TECRL: variants seen among roughly 807,000 people sequenced by gnomAD.
TECRL encodes the protein trans-2,3-enoyl-CoA reductase like, also known as trans-2,3-enoyl-CoA reductase-like.
In TECRL, 63 loss-of-function variants were observed where a neutral mutation model predicts 52.8. The observed-to-expected ratio is 1.19, with a 90% CI of 0.97 to 1.47. TECRL has a LOEUF of 1.47. Among genes scored for constraint, TECRL ranks in the 40% most tolerant of loss-of-function variants. The probability of loss-of-function intolerance (pLI) is 0.00; values close to 1 mark genes in which losing one functional copy is unlikely to be tolerated. For missense variants in TECRL, 482 were observed against 429.6 expected, an observed-to-expected ratio of 1.12 and a Z score of -1.08; for synonymous variants, 164 against 141.9, an observed-to-expected ratio of 1.16 and a Z score of -1.10.
intron 5 of TECRL, among the ~76,000 whole-genome samples, chr4:64,312,758 C>A (rs78081975): frequency 2.8e-5 from 2 of 71,748 alleles, no homozygotes; most frequent in East Asian, 4.7e-4. Flanking sequence ...CAGAGCAAGA[C>A]CCTCTCTCAA....
chr4:64,289,273 T>A (rs1560472815), intron 9 of TECRL, among the ~76,000 whole-genome samples: 1 of 152,184 alleles, frequency 6.6e-6, no homozygotes, highest in Non-Finnish European at 1.5e-5. Context: ...TTCAGTGCCA[T>A]TGTATTTTTC....
At chr4:64,347,797 A>G (rs951067563) in intron 2 of TECRL, among the ~76,000 whole-genome samples, 1 of 152,136 alleles carries the variant, frequency 6.6e-6, no homozygotes, top group Non-Finnish European at 1.5e-5. Context: ...TATAATTGAG[A>G]TGAGGTTTGG....
intron 2 of TECRL, among the ~76,000 whole-genome samples, chr4:64,362,650 A>G (rs960444764): frequency 6.6e-6 from 1 of 152,114 alleles, no homozygotes; most frequent in Non-Finnish European, 1.5e-5. Context: ...AGTAAATGCT[A>G]TGAGAATTTC....
chr4:64,277,279 G>T (rs994495912), downstream of TECRL, among the ~76,000 whole-genome samples: 5 of 151,756 alleles, frequency 3.3e-5, no homozygotes, highest in African/African-American at 1.2e-4. Flanking sequence ...AACTTCCTAG[G>T]TTACTATTTG....
At chr4:64,398,659 T>C (rs903213627) in intron 1 of TECRL, among the ~76,000 whole-genome samples, 3 of 151,316 alleles carry the variant, frequency 2.0e-5, no homozygotes, top group African/African-American at 7.4e-5. Flanking sequence ...GTCTCAGGTA[T>C]TTTTTATAGC....
In TECRL at chr4:64,280,345, C is replaced by A. The variant is rs546421735; in HGVS notation, c.965-146G>T. On this transcript the variant is annotated intron_variant, in intron 11 of 11. Coordinates refer to ENST00000381210, the MANE Select transcript of TECRL (RefSeq NM_001010874.5). ...TCAATTTTCATTATTCATACCCATT[C>A]CCAAGCAATAGCCAATCAATATCGC... The A allele has an allele frequency of 3.1e-4, 184 of 594,648 alleles. 3 individuals carry two copies. The East Asian group carries it at 6.8e-3, about 22-fold the overall frequency. The allele number at this position is 594,648 out of a possible 1,614,324, so 36.8% of individuals were successfully genotyped here.
intron 6 of TECRL, among the ~76,000 whole-genome samples, chr4:64,306,368 C>A (rs1724337483): frequency 6.6e-6 from 1 of 152,132 alleles, no homozygotes; most frequent in Admixed American, 6.6e-5. Context: ...AGGTATCTGG[C>A]TGAGGCTAGA....
chr4:64,353,199 A>C (rs1034407396), intron 2 of TECRL, among the ~76,000 whole-genome samples: 3 of 152,202 alleles, frequency 2.0e-5, no homozygotes, highest in Non-Finnish European at 2.9e-5. Flanking sequence ...CAGAATAAGA[A>C]GTTCTCAGAG....
intron 2 of TECRL, among the ~76,000 whole-genome samples, chr4:64,342,853 C>A (rs1358667117): frequency 1.3e-5 from 2 of 152,022 alleles, no homozygotes; most frequent in Non-Finnish European, 2.9e-5. Context: ...TAGGTGGAAG[C>A]ATTTCTGCTA....
At chr4:64,289,580 G>C in intron 9 of TECRL, 130 bp downstream of exon 9, 2 of 703,656 alleles carry the variant, frequency 2.8e-6, no homozygotes, top group Non-Finnish European at 4.5e-6. Flanking sequence ...AGACATAAAA[G>C]GGAAAAAATG....
At chr4:64,332,555 A>T (rs1308352933) in intron 2 of TECRL, among the ~76,000 whole-genome samples, 1 of 152,194 alleles carries the variant, frequency 6.6e-6, no homozygotes, top group Non-Finnish European at 1.5e-5. Flanking sequence ...GGGGGAAATT[A>T]AAAAGGTATT....
At chr4:64,376,812 A>C (rs1288119365) in intron 1 of TECRL, among the ~76,000 whole-genome samples, 1 of 152,010 alleles carries the variant, frequency 6.6e-6, no homozygotes, top group Non-Finnish European at 1.5e-5. Flanking sequence ...TGTTTAATCT[A>C]TATGGAGCTG....
chr4:64,345,248 A>G (rs1345023313), intron 2 of TECRL, among the ~76,000 whole-genome samples: 5 of 152,172 alleles, frequency 3.3e-5, no homozygotes, highest in Non-Finnish European at 7.3e-5. Context: ...AGACACATGC[A>G]CACGTGTGTT....
chr4:64,310,699 A>G (rs1255552174), intron 5 of TECRL, among the ~76,000 whole-genome samples: 1 of 152,186 alleles, frequency 6.6e-6, no homozygotes, highest in African/African-American at 2.4e-5. Flanking sequence ...AAAAAATTCA[A>G]TACGGATCAA....
chr4:64,294,561 C>A (rs1723575157), intron 8 of TECRL, among the ~76,000 whole-genome samples: 1 of 151,934 alleles, frequency 6.6e-6, no homozygotes, highest in African/African-American at 2.4e-5. Context: ...GGTTTGCTTA[C>A]AAAGGTGTTT....
rs112403283 is a variant in TECRL at position 64,327,418 on chromosome 4, C to A, written c.331+1094G>T. Reference sequence around the variant, plus strand: ...ACATTTGACAATGTTGTCTGTGACACTCTTTGAGGCTTCTTTGTGTAAGAG... The same window carrying A: ...ACATTTGACAATGTTGTCTGTGACAATCTTTGAGGCTTCTTTGTGTAAGAG... On this transcript the variant is annotated intron_variant, in intron 3 of 11. Coordinates refer to ENST00000381210, the MANE Select transcript of TECRL (RefSeq NM_001010874.5). Among the ~76,000 whole-genome samples, 1,346 of 152,180 alleles carry A rather than the reference C, an allele frequency of 8.8e-3. 18 individuals carry two copies. The highest frequency in any genetic ancestry group is 0.031 in the African/African-American group (1,280 of 41,522).
chr4:64,365,222 C>A (rs1461100779), intron 2 of TECRL, among the ~76,000 whole-genome samples: 1 of 95,634 alleles, frequency 1.0e-5, no homozygotes. Context: ...AAAAAAAAAG[C>A]TATACATAAA....
Position 64,384,816 on chromosome 4 carries a change from G to A in TECRL, c.235-9593C>T, listed in dbSNP as rs369171215. 4.6e-5 allele frequency among the ~76,000 whole-genome samples: 7 copies of A among 152,202 alleles called. No homozygotes were observed. In the East Asian group the frequency reaches 1.2e-3, roughly 25 times the overall value. ...TCCTGGAAGTTATGCATGAATTCTT[G>A]TGGCTTCAGCCCCCTGGATAATGTG... On this transcript the variant is annotated intron_variant, in intron 1 of 11. Coordinates refer to ENST00000381210, the MANE Select transcript of TECRL (RefSeq NM_001010874.5).
intron 2 of TECRL, 66 bp from the exon 3 acceptor site, chr4:64,328,622 T>G (rs1480127302): frequency 7.3e-7 from 1 of 1,377,624 alleles, no homozygotes; most frequent in Non-Finnish European, 1.0e-6. Flanking sequence ...AAACTAACTG[T>G]TTCCATGGGA....
Sources: allele counts gnomAD v4.1 joint callset (sites outside exome capture counted in the v4.1 genomes callset), GRCh38; gene constraint gnomAD v4.1.1; transcripts MANE v1.5; gene names NCBI Gene and HGNC (gene_info 2026-07-23, HGNC 2026-07-21).